The following TRIM61 variants were observed in gnomAD, a reference collection of about 807,000 sequenced individuals.
The protein encoded by TRIM61 is putative tripartite motif-containing protein 61.
TRIM61 carries 1 observed loss-of-function variant against 14.2 expected under a neutral mutation model. The ratio of observed to expected loss-of-function variants is 0.07; its 90% confidence interval spans 0.03 to 0.33. TRIM61 has a LOEUF of 0.33. Ranked by LOEUF, TRIM61 falls within the 10% of genes least tolerant of loss-of-function variation. The pLI is 0.99. For synonymous variants in TRIM61, 8 were observed against 71.6 expected, an observed-to-expected ratio of 0.11 and a Z score of 4.49; for missense variants, 19 against 202.2, an observed-to-expected ratio of 0.09 and a Z score of 5.49.
chr4:164,960,588 T>TACC (rs1560883283), intron 3 of TRIM61, among the ~76,000 whole-genome samples: 26 of 151,482 alleles, frequency 1.7e-4, no homozygotes, highest in African/African-American at 6.1e-4. Context: ...TTTCCTGTTA[T>TACC]GTAAACTACC....
chr4:164,956,844 C>T, intron 3 of TRIM61: 1 of 634,958 alleles, frequency 1.6e-6, no homozygotes. Context: ...CAAGGGGCTT[C>T]AGCACCCCAA....
chr4:164,956,152 A>G (rs977787566), intron 3 of TRIM61, among the ~76,000 whole-genome samples: 2 of 151,970 alleles, frequency 1.3e-5, no homozygotes, highest in African/African-American at 4.8e-5. Context: ...TGCAACCTCA[A>G]CTCCCCAGGT....
chr4:164,968,169 G>A, intron 3 of TRIM61, 112 bp downstream of exon 3: 1 of 981,878 alleles, frequency 1.0e-6, no homozygotes. Flanking sequence ...AGAGGAAAAA[G>A]AAAAGAAAAG....
chr4:164,955,428 G>A (rs930958278), intron 3 of TRIM61, among the ~76,000 whole-genome samples: 1 of 152,024 alleles, frequency 6.6e-6, no homozygotes, highest in African/African-American at 2.4e-5. Flanking sequence ...TCCAGGCTGA[G>A]CTCAATGGCT....
At chr4:164,959,609 T>TC (rs1197590055) in intron 3 of TRIM61, among the ~76,000 whole-genome samples, 1 of 152,124 alleles carries the variant, frequency 6.6e-6, no homozygotes, top group Non-Finnish European at 1.5e-5. Flanking sequence ...TGCCCATGAC[T>TC]CATGCTCAAT....
intron 3 of TRIM61, among the ~76,000 whole-genome samples, chr4:164,956,097 G>T (rs1169566057): frequency 6.6e-6 from 1 of 152,148 alleles, no homozygotes; most frequent in Admixed American, 6.5e-5. Context: ...ACAAGCTCTC[G>T]TTCTGTCGTC....
At chr4:164,963,926 T>A (rs1215711042) in intron 3 of TRIM61, among the ~76,000 whole-genome samples, 1 of 151,980 alleles carries the variant, frequency 6.6e-6, no homozygotes, top group Non-Finnish European at 1.5e-5. Context: ...AAAATAAAAA[T>A]AAAAATGCAA....
chr4:164,967,581 G>C lies in TRIM61; in HGVS notation c.525+1897C>G, dbSNP rs188524879. 5.9e-3 allele frequency among the ~76,000 whole-genome samples: 901 copies of C among 152,302 alleles called. 26 individuals carry two copies. Among genetic ancestry groups the C allele is most frequent in the Non-Finnish European group, 2.1e-3 (142 of 68,022 alleles). On this transcript the variant is annotated intron_variant, in intron 3 of 4. Coordinates refer to ENST00000329314, the MANE Select transcript of TRIM61 (RefSeq NM_001012414.3). ...CCGGTTGTGTATGTACAGTATGTGT[G>C]TGTGTGGCAGAGGAGGATGTAAGAA...
At chr4:164,966,501 C>G (rs1732245401) in intron 3 of TRIM61, among the ~76,000 whole-genome samples, 1 of 152,134 alleles carries the variant, frequency 6.6e-6, no homozygotes, top group Non-Finnish European at 1.5e-5. Context: ...ACCAAAAGAG[C>G]TGAGGAGTTC....
chr4:164,968,117 C>T, intron 3 of TRIM61, 164 bp downstream of exon 3: 1 of 967,308 alleles, frequency 1.0e-6, no homozygotes, highest in Admixed American at 6.2e-5. Context: ...CTGGCCATTG[C>T]ACTCCAGCCT....
At chr4:164,958,491 A>G (rs772267120) in intron 3 of TRIM61, 3 of 167,028 alleles carry the variant, frequency 1.8e-5, no homozygotes, top group Non-Finnish European at 4.4e-5. Flanking sequence ...ATTATTTGAA[A>G]GCTATTTTGT....
intron 2 of TRIM61, among the ~76,000 whole-genome samples, chr4:164,973,273 T>C (rs1221728975): frequency 2.0e-5 from 3 of 152,216 alleles, no homozygotes; most frequent in African/African-American, 7.2e-5. Context: ...AAGCGGAGTC[T>C]ACAAGAATTT....
intron 3 of TRIM61, chr4:164,969,323 G>A: frequency 1.3e-6 from 2 of 1,483,578 alleles, no homozygotes; most frequent in East Asian, 4.8e-5. Flanking sequence ...TAATGAGGAG[G>A]TATAATCTGA....
chr4:164,957,209 C>G (rs769559372), intron 3 of TRIM61: 1 of 1,613,988 alleles, frequency 6.2e-7, no homozygotes, highest in Admixed American at 1.7e-5. Flanking sequence ...GCTCAGACAT[C>G]CAGGGACGAC....
chr4:164,957,547 C>G, intron 3 of TRIM61: 1 of 1,534,270 alleles, frequency 6.5e-7, no homozygotes, highest in Non-Finnish European at 8.8e-7. Flanking sequence ...ACATCTGAAA[C>G]AGCAAGTGTA....
chr4:164,967,900 C>T (rs540103524), intron 3 of TRIM61, among the ~76,000 whole-genome samples: 32 of 151,736 alleles, frequency 2.1e-4, no homozygotes, highest in Admixed American at 1.0e-3. Context: ...ACCTGTAATC[C>T]CAGCACTTTG....
intron 3 of TRIM61, among the ~76,000 whole-genome samples, chr4:164,964,510 A>G (rs1732198102): frequency 6.6e-6 from 1 of 152,244 alleles, no homozygotes; most frequent in Non-Finnish European, 1.5e-5. Context: ...TTCTTTGAAA[A>G]GATAAAAATG....
In TRIM61 at chr4:164,973,871, AC is replaced by A. The variant is rs569611457; in HGVS notation, c.-338+2816del. On this transcript the variant is annotated intron_variant, in intron 2 of 4. Coordinates refer to ENST00000329314, the MANE Select transcript of TRIM61 (RefSeq NM_001012414.3). ...ATATAGAGATAACCTATATTTACTT[AC>A]ATATAAAACACATTGGGCCAGGCGT... Among the ~76,000 whole-genome samples the A allele has an allele frequency of 3.9e-5, 6 of 152,330 alleles. No homozygotes were observed. In the East Asian group the frequency reaches 7.7e-4, roughly 20 times the overall value.
chr4:164,964,672 T>C (rs1732201622), intron 3 of TRIM61, among the ~76,000 whole-genome samples: 1 of 152,136 alleles, frequency 6.6e-6, no homozygotes, highest in South Asian at 2.1e-4. Flanking sequence ...GAAAAGAATA[T>C]TATAGTGATT....
Sources: gnomAD v4.1 joint callset for allele counts (sites outside exome capture counted in the v4.1 genomes callset) on GRCh38, gnomAD v4.1.1 for gene constraint, MANE v1.5 for transcripts, NCBI Gene and HGNC (gene_info 2026-07-23, HGNC 2026-07-21) for gene names.